Variants in FRMD4B observed in about 807,000 individuals in gnomAD.
FRMD4B encodes the protein FERM domain-containing protein 4B.
FRMD4B carries 74 observed loss-of-function variants against 141.5 expected under a neutral mutation model. That is an observed-to-expected ratio of 0.52 (90% CI 0.43 to 0.63). The LOEUF (loss-of-function observed/expected upper bound fraction) is 0.63, where lower values mean the gene tolerates loss of function less well. FRMD4B is among the 30% of genes least tolerant of loss of function. The probability of loss-of-function intolerance (pLI) is 0.00; values close to 1 mark genes in which losing one functional copy is unlikely to be tolerated. For synonymous variants in FRMD4B, 506 were observed against 467.9 expected, an observed-to-expected ratio of 1.08 and a Z score of -1.05; for missense variants, 1,366 against 1,253.4, an observed-to-expected ratio of 1.09 and a Z score of -1.36.
chr3:69,482,445 G>A (rs528260837), intron 1 of FRMD4B, among the ~76,000 whole-genome samples: 1 of 152,178 alleles, frequency 6.6e-6, no homozygotes, highest in East Asian at 1.9e-4. Flanking sequence ...TTGTGAAGAT[G>A]TCTAACAAGA....
At chr3:69,504,743 A>G (rs747361687) in intron 1 of FRMD4B, among the ~76,000 whole-genome samples, 4 of 152,220 alleles carry the variant, frequency 2.6e-5, no homozygotes, top group Non-Finnish European at 5.9e-5. Context: ...AAGATGAATA[A>G]TCTTATAGGT....
At chr3:69,295,391 C>A (rs1026684848) in intron 4 of FRMD4B, among the ~76,000 whole-genome samples, 5 of 151,798 alleles carry the variant, frequency 3.3e-5, no homozygotes, top group African/African-American at 1.2e-4. Context: ...GCCTGATCAC[C>A]GCTCACTGCA....
chr3:69,509,241 C>G (rs1192324026), intron 1 of FRMD4B, among the ~76,000 whole-genome samples: 1 of 152,216 alleles, frequency 6.6e-6, no homozygotes, highest in Admixed American at 6.5e-5. Flanking sequence ...ATTACCTCCC[C>G]TGGAACGGAA....
chr3:69,467,909 G>C (rs1052158217), intron 1 of FRMD4B, among the ~76,000 whole-genome samples: 3 of 152,168 alleles, frequency 2.0e-5, no homozygotes, highest in Non-Finnish European at 4.4e-5. Context: ...AGGAACTGTT[G>C]ACCAATGTGG....
intron 1 of FRMD4B, among the ~76,000 whole-genome samples, chr3:69,314,373 C>T (rs113606656): frequency 1.3e-5 from 2 of 149,642 alleles, no homozygotes; most frequent in African/African-American, 4.9e-5. Context: ...ACTAAAACTA[C>T]AAAAAATAGC....
intron 5 of FRMD4B, among the ~76,000 whole-genome samples, chr3:69,251,886 A>T (rs73838325): frequency 0.033 from 5,076 of 152,342 alleles, 143 homozygotes; most frequent in East Asian, 0.098. Context: ...AGTTCAAAGA[A>T]AAAGAAACTC....
intron 11 of FRMD4B, among the ~76,000 whole-genome samples, chr3:69,204,097 G>T (rs1390482391): frequency 1.3e-5 from 2 of 152,048 alleles, no homozygotes; most frequent in Non-Finnish European, 2.9e-5. Flanking sequence ...GGGAGGGAGG[G>T]GCTGGTCACG....
Position 69,386,067 on chromosome 3 carries a change from G to T in FRMD4B, c.-78C>A. 1 of 1,277,922 alleles carries T rather than the reference G, an allele frequency of 7.8e-7. No homozygotes were observed. The highest frequency in any genetic ancestry group is 1.0e-6 in the Non-Finnish European group (1 of 972,324). 79.2% of individuals were successfully genotyped at this position (1,277,922 alleles called of 1,614,324 possible). A position where few individuals can be genotyped will look rare whatever the true frequency, so the allele number is the denominator to read the frequency against. On this transcript the variant is annotated 5_prime_UTR_variant, in exon 1 of 23. Coordinates refer to ENST00000398540, the MANE Select transcript of FRMD4B (RefSeq NM_015123.3). ...CGACCCCAGCGGCCTGCCCGCCTGGGCTCCCGACGCCGGCTTCTGCTGGCA... is the reference window on the plus strand; with the variant it reads ...CGACCCCAGCGGCCTGCCCGCCTGGTCTCCCGACGCCGGCTTCTGCTGGCA...
intron 5 of FRMD4B, among the ~76,000 whole-genome samples, chr3:69,257,641 TATATTTTA>T (rs976834412): frequency 6.6e-6 from 1 of 152,162 alleles, no homozygotes; most frequent in African/African-American, 2.4e-5. Flanking sequence ...CATCACTTAC[TATATTTTA>T]ATATGTTCAG....
In FRMD4B at chr3:69,283,970, C is replaced by CAA. The variant is rs146536193; in HGVS notation, c.501+3780_501+3781dup. On this transcript the variant is annotated intron_variant, in intron 5 of 22. Coordinates refer to ENST00000398540, the MANE Select transcript of FRMD4B (RefSeq NM_015123.3). ...TCTTAACTGAAAAAACAAAACAAAA[C>CAA]AAAACAAAAAAAACAAAAAACAGAC... 7.6e-3 allele frequency among the ~76,000 whole-genome samples: 1,053 copies of CAA among 137,774 alleles called. 5 individuals are homozygous for CAA. The highest frequency in any genetic ancestry group is 0.011 in the African/African-American group (399 of 36,692). 90.4% of individuals were successfully genotyped at this position (137,774 alleles called of 152,430 possible). A position where few individuals can be genotyped will look rare whatever the true frequency, so the allele number is the denominator to read the frequency against.
Position 69,181,128 on chromosome 3 carries a change from C to A in FRMD4B, c.2622G>T (p.Arg874=), listed in dbSNP as rs2107593440. 1 of 1,613,948 alleles carries A rather than the reference C, an allele frequency of 6.2e-7. No individual in the cohort carries two copies. The highest frequency in any genetic ancestry group is 1.7e-5 in the Admixed American group (1 of 60,020). Residue 874 remains arginine (R), a synonymous_variant, in exon 21 of 23, where the codon CGG becomes CGT. Coordinates refer to ENST00000398540, the MANE Select transcript of FRMD4B (RefSeq NM_015123.3). ...RVPHNPYATL[R]LPRKAAAKSE... ...ATTTTGCAGCAGCCTTCCTTGGCAG[C>A]CGGAGAGTTGCATATGGGTTATGGG... is the stretch of plus-strand genomic sequence containing the variant.
chr3:69,201,019 C>T (rs557453810), intron 11 of FRMD4B: 13 of 292,196 alleles, frequency 4.4e-5, no homozygotes, highest in African/African-American at 1.1e-4. Context: ...AGCAAATACG[C>T]TCCCTGCAAG....
chr3:69,271,789 A>G (rs905960362), intron 5 of FRMD4B, among the ~76,000 whole-genome samples: 1 of 152,098 alleles, frequency 6.6e-6, no homozygotes, highest in African/African-American at 2.4e-5. Flanking sequence ...CCTGGCCAAC[A>G]TGGTGAAACC....
intron 4 of FRMD4B, among the ~76,000 whole-genome samples, chr3:69,289,628 T>C (rs1250501382): frequency 5.1e-3 from 1 of 198 alleles, no homozygotes; most frequent in Non-Finnish European, 0.5. Context: ...AAACTGTCTC[T>C]TACTAAAAAT....
At chr3:69,293,679 G>A (rs1458182344) in intron 4 of FRMD4B, among the ~76,000 whole-genome samples, 4 of 151,822 alleles carry the variant, frequency 2.6e-5, no homozygotes, top group Admixed American at 6.6e-5. Flanking sequence ...CCAGGAGTTC[G>A]AGACCAGCCT....
chr3:69,476,361 A>G (rs1332931148), intron 1 of FRMD4B, among the ~76,000 whole-genome samples: 1 of 152,112 alleles, frequency 6.6e-6, no homozygotes, highest in African/African-American at 2.4e-5. Flanking sequence ...TCTTTATTCC[A>G]TCTTGAATTA....
intron 1 of FRMD4B, among the ~76,000 whole-genome samples, chr3:69,337,650 A>G (rs1702600915): frequency 6.6e-6 from 1 of 152,252 alleles, no homozygotes; most frequent in Non-Finnish European, 1.5e-5. Flanking sequence ...GGCAAAGGAT[A>G]TGAACAGACA....
chr3:69,469,973 C>T lies in FRMD4B; in HGVS notation c.-128-37212G>A, dbSNP rs549783099. ...AGATTAACAGCAGTATAGCACAGTT[C>T]TCTGTGGGACAGAATCAGAAAATCT... is the stretch of plus-strand genomic sequence containing the variant. On this transcript the variant is annotated intron_variant, in intron 1 of 5. Coordinates refer to the FRMD4B transcript ENST00000459638. Among the ~76,000 whole-genome samples the T allele has an allele frequency of 2.8e-4, 43 of 152,288 alleles. 1 individual carries two copies. Among genetic ancestry groups the T allele is most frequent in the Middle Eastern group, 6.8e-3 (2 of 294 alleles).
chr3:69,356,123 T>C (rs1703313987), intron 1 of FRMD4B, among the ~76,000 whole-genome samples: 1 of 152,162 alleles, frequency 6.6e-6, no homozygotes, highest in African/African-American at 2.4e-5. Flanking sequence ...TATCCCCATA[T>C]AAAGAAGATG....
Sources: allele counts gnomAD v4.1 joint callset (sites outside exome capture counted in the v4.1 genomes callset), GRCh38; gene constraint gnomAD v4.1.1; transcripts MANE v1.5; gene names NCBI Gene and HGNC (gene_info 2026-07-23, HGNC 2026-07-21).